SLIT1: variants seen among roughly 807,000 people sequenced by gnomAD.
SLIT1 encodes slit guidance ligand 1, also known as slit homolog 1 protein.
In SLIT1, 66 loss-of-function variants were observed where a neutral mutation model predicts 186.1. The ratio of observed to expected loss-of-function variants is 0.35; its 90% CI spans 0.29 to 0.44. The LOEUF is 0.44. Among genes scored for constraint, SLIT1 ranks in the 20% least tolerant of loss-of-function variants. SLIT1 has a pLI of 1.00. For missense variants in SLIT1, 1,638 were observed against 2,037.4 expected, an observed-to-expected ratio of 0.80 and a Z score of 3.77; for synonymous variants, 761 against 833.8, an observed-to-expected ratio of 0.91 and a Z score of 1.50.
rs187670543 is a variant in SLIT1, at chr10:97,109,082, C to T, written c.414-42996G>A. Among the ~76,000 whole-genome samples, 514 of 151,748 alleles carry T rather than the reference C, an allele frequency of 3.4e-3. 3 individuals are homozygous for T. The highest frequency in any genetic ancestry group is 0.012 in the African/African-American group (491 of 41,400). The stretch of plus-strand genomic sequence containing the variant: ...ATAAATAAAAAGCCAGGCATGGTGG[C>T]TCACACCTATAATCCCAGCACTTTG... On this transcript the variant is annotated intron_variant, in intron 4 of 36. Coordinates refer to ENST00000266058, the MANE Select transcript of SLIT1 (RefSeq NM_003061.3).
rs139220771 is a variant in SLIT1 at position 97,004,639 on chromosome 10, G to T, written c.3710+54C>A. ...ACCTGCTTTTGGCCCAGGAGACCTCGCCCTGGCAGTCCCGTACCCCTGAGG... is the reference window on the plus strand; with the variant it reads ...ACCTGCTTTTGGCCCAGGAGACCTCTCCCTGGCAGTCCCGTACCCCTGAGG... On this transcript the variant is annotated intron_variant, in intron 33 of 36. Transcript: ENST00000266058. This position sits in a 1 kb window ranked among gnomAD's most constrained non-coding sequence, Gnocchi z 5.1. 4.7e-4 allele frequency: 754 copies of T among 1,607,898 alleles called. 6 individuals are homozygous for T. The African/African-American group carries it at 8.1e-3, about 17-fold the overall frequency.
rs140177354 is a variant in SLIT1 at position 97,178,555 on chromosome 10, A to T, written c.197+6923T>A. ...TGGCAGGATTGTGGACCTGGGAAAA[A>T]ATAGCCATGAAAGACATTATCAGAG... On this transcript the variant is annotated intron_variant, in intron 1 of 36. Coordinates refer to ENST00000266058, the MANE Select transcript of SLIT1 (RefSeq NM_003061.3). Among the ~76,000 whole-genome samples the T allele has an allele frequency of 1.6e-3, 250 of 152,330 alleles. 1 individual carries two copies. Among genetic ancestry groups the T allele is most frequent in the African/African-American group, 5.6e-3 (231 of 41,562 alleles).
chr10:96,999,927 GTAGATAGATAGA>G lies in SLIT1; in HGVS notation c.*1173_*1184del, dbSNP rs150839836. ...CATAAATACTTTTGATGTGATCAAT[GTAGATAGATAGA>G]TAGATAGATAGGTCTTCTAACTCCT... is the stretch of plus-strand genomic sequence containing the variant. On this transcript the variant is annotated 3_prime_UTR_variant, in exon 37 of 37. Transcript: ENST00000266058. 6.6e-6 allele frequency: 1 copy of G among 151,534 alleles called. No individual in the cohort carries two copies. The highest frequency in any genetic ancestry group is 6.6e-5 in the Admixed American group (1 of 15,226). 9.4% of individuals were successfully genotyped at this position (151,534 alleles called of 1,614,324 possible). A position where few individuals can be genotyped will look rare whatever the true frequency, so the allele number is the denominator to read the frequency against.
In SLIT1 at chr10:97,164,514, C is replaced by T. The variant is rs924636435; in HGVS notation, c.269+305G>A. Among the ~76,000 whole-genome samples the T allele has an allele frequency of 1.4e-4, 22 of 152,096 alleles. 1 individual carries two copies. Among genetic ancestry groups the T allele is most frequent in the African/African-American group, 5.1e-4 (21 of 41,410 alleles). ...GGCTTGTCAGCTCTGACCTCAGAGA[C>T]GATTGGTCACGAGGTCCCTGCTCCT... On this transcript the variant is annotated intron_variant, in intron 2 of 36. Transcript: ENST00000266058.
chr10:97,061,690 A>G (rs1371663945), intron 8 of SLIT1, among the ~76,000 whole-genome samples: 1 of 152,210 alleles, frequency 6.6e-6, no homozygotes, highest in Non-Finnish European at 1.5e-5. Flanking sequence ...GTTGGTGGAT[A>G]TTCAGGTTGT....
intron 1 of SLIT1, among the ~76,000 whole-genome samples, chr10:97,166,530 AGAAGGAAG>A (rs1241751831): frequency 1.2e-4 from 6 of 49,710 alleles, no homozygotes; most frequent in Non-Finnish European, 1.7e-4. Flanking sequence ...AAAAAAAGAA[AGAAGGAAG>A]GAAGGAAGGA....
At chr10:97,174,103 G>A (rs192009136) in intron 1 of SLIT1, among the ~76,000 whole-genome samples, 5 of 152,192 alleles carry the variant, frequency 3.3e-5, no homozygotes, top group Admixed American at 1.3e-4. Context: ...CCAGTCAAAC[G>A]CCCTCTTCTA....
chr10:97,166,481 A>C (rs3000209), intron 1 of SLIT1, among the ~76,000 whole-genome samples: 62,820 of 138,170 alleles, frequency 0.45, 16,277 homozygotes, highest in Admixed American at 0.56. Flanking sequence ...GTGCCATTGC[A>C]CTCCAGCCTG....
At chr10:97,064,339 G>T in intron 6 of SLIT1, 100 bp from the exon 7 acceptor site, 1 of 946,488 alleles carries the variant, frequency 1.1e-6, no homozygotes, top group Non-Finnish European at 1.7e-6. Flanking sequence ...CGACCTTAAA[G>T]TGACCAGCAC....
chr10:97,166,652 A>G, intron 1 of SLIT1, among the ~76,000 whole-genome samples: 1 of 151,192 alleles, frequency 6.6e-6, no homozygotes, highest in Non-Finnish European at 1.5e-5. Flanking sequence ...AAGGAAAGGA[A>G]AAGAAAAGAA....
chr10:97,017,998 G>A (rs1033779116), intron 28 of SLIT1, among the ~76,000 whole-genome samples: 13 of 151,900 alleles, frequency 8.6e-5, no homozygotes, highest in Non-Finnish European at 1.5e-4. Context: ...ACAGGCGCGT[G>A]CCACCACACC....
At chr10:97,150,337 C>T (rs1456393900) in intron 4 of SLIT1, among the ~76,000 whole-genome samples, 1 of 152,162 alleles carries the variant, frequency 6.6e-6, no homozygotes, top group South Asian at 2.1e-4. Context: ...AGAGAATGCC[C>T]TCCTGCCTCT....
intron 9 of SLIT1, 32 bp from the exon 10 acceptor site, chr10:97,060,190 G>A (rs752744488): frequency 1.3e-5 from 20 of 1,587,192 alleles, no homozygotes; most frequent in Admixed American, 1.7e-5. Flanking sequence ...GAAGCCCAAG[G>A]GCCCAGGTCA....
At position 97,184,045 on chromosome 10, in the gene SLIT1, C is replaced by CAA. The variant is rs1242525280; in HGVS notation, c.197+1432_197+1433insTT. Among the ~76,000 whole-genome samples, 1 of 151,394 alleles carries CAA rather than the reference C, an allele frequency of 6.6e-6. No homozygotes were observed. Among genetic ancestry groups the CAA allele is most frequent in the Non-Finnish European group, 1.5e-5 (1 of 67,820 alleles). The stretch of plus-strand genomic sequence containing the variant: ...ACACACACACACACACACACACACA[C>CAA]ACACACACACACACTTCCCATCTAG... On this transcript the variant is annotated intron_variant, in intron 1 of 36. Coordinates refer to ENST00000266058, the MANE Select transcript of SLIT1 (RefSeq NM_003061.3). The surrounding 1 kb of genome is among the most constrained non-coding windows in gnomAD (Gnocchi z 4.4).
chr10:97,148,927 A>G (rs1849845012), intron 4 of SLIT1, among the ~76,000 whole-genome samples: 1 of 152,134 alleles, frequency 6.6e-6, no homozygotes, highest in African/African-American at 2.4e-5. Context: ...TCTCACACCA[A>G]TTTTTGTAAT....
At chr10:97,141,074 G>A (rs1308708722) in intron 4 of SLIT1, among the ~76,000 whole-genome samples, 1 of 152,156 alleles carries the variant, frequency 6.6e-6, no homozygotes, top group Non-Finnish European at 1.5e-5. Context: ...TCCCTTGTCG[G>A]AGGCTCTGCA....
At chr10:97,025,498 C>T (rs528406604) in intron 25 of SLIT1, among the ~76,000 whole-genome samples, 1 of 152,224 alleles carries the variant, frequency 6.6e-6, no homozygotes, top group African/African-American at 2.4e-5. Flanking sequence ...ACTGCCTTGC[C>T]CTCTCTTCGG....
At position 97,060,748 on chromosome 10, in the gene SLIT1, G is replaced by A. The variant is rs1010851199; in HGVS notation, c.833C>T (p.Ser278Phe). The change falls in exon 9 of 37, where the codon TCC becomes TTC. Residue 278 changes from serine (S) to phenylalanine (F), a missense_variant. Ser to Phe is a radical substitution (Grantham distance 155). Coordinates refer to ENST00000266058, the MANE Select transcript of SLIT1 (RefSeq NM_003061.3). ...EAGRVPTCTL[S>F]SGSCPAMCTC... ...GCACATGGCCGGGCAGGAGCCGGAG[G>A]ACAGGGTGCAGGTGGGCACGCGCCC... 6.8e-6 allele frequency: 11 copies of A among 1,613,070 alleles called. No homozygotes were observed. The highest frequency in any genetic ancestry group is 1.7e-5 in the Admixed American group (1 of 59,926).
intron 13 of SLIT1, among the ~76,000 whole-genome samples, chr10:97,050,379 C>T (rs1207210459): frequency 1.3e-5 from 2 of 152,210 alleles, no homozygotes; most frequent in South Asian, 2.1e-4. Context: ...TGCTCTCTGC[C>T]GTCCATCACC....
Sources: allele counts gnomAD v4.1 joint callset (sites outside exome capture counted in the v4.1 genomes callset), GRCh38; gene constraint gnomAD v4.1.1; non-coding constraint Gnocchi (gnomAD v3.1); transcripts MANE v1.5; gene names NCBI Gene and HGNC (gene_info 2026-07-23, HGNC 2026-07-21).